SNX10: variants seen among roughly 807,000 people sequenced by gnomAD.
SNX10 encodes the protein sorting nexin-10.
SNX10 carries 25 observed loss-of-function variants against 28.5 expected under a neutral mutation model. The ratio of observed to expected loss-of-function variants is 0.88; its 90% confidence interval spans 0.64 to 1.22. The LOEUF (loss-of-function observed/expected upper bound fraction) is 1.22. SNX10 is among the 50% of genes most tolerant of loss of function. The probability of loss-of-function intolerance (pLI) is 0.00; values close to 1 mark genes in which losing one functional copy is unlikely to be tolerated. For missense variants in SNX10, 223 were observed against 242.6 expected (o/e 0.92, Z 0.54); for synonymous variants, 62 against 81.4 (o/e 0.76, Z 1.28).
intron 3 of SNX10, among the ~76,000 whole-genome samples, chr7:26,361,490 A>G (rs1789066484): frequency 6.6e-6 from 1 of 152,214 alleles, no homozygotes; most frequent in Non-Finnish European, 1.5e-5. Flanking sequence ...AGAAGGTGGG[A>G]AATGGATATG....
chr7:26,352,093 T>C (rs1788630647), intron 2 of SNX10, among the ~76,000 whole-genome samples: 1 of 150,574 alleles, frequency 6.6e-6, no homozygotes, highest in Non-Finnish European at 1.5e-5. Context: ...GACCACTCTG[T>C]ACTATCTTCA....
intron 1 of SNX10, among the ~76,000 whole-genome samples, chr7:26,294,642 G>A (rs1011946894): frequency 1.3e-5 from 2 of 152,174 alleles, no homozygotes; most frequent in African/African-American, 4.8e-5. Context: ...GAGTATTTAT[G>A]ATTTCTCTAA....
chr7:26,299,780 G>T (rs1439692641), intron 1 of SNX10, among the ~76,000 whole-genome samples: 1 of 152,092 alleles, frequency 6.6e-6, no homozygotes, highest in African/African-American at 2.4e-5. Context: ...AAAAAGTGCA[G>T]GCTGTGTGCA....
chr7:26,292,379 G>T lies in SNX10; in HGVS notation c.-24+293G>T, dbSNP rs1032459061. Among the ~76,000 whole-genome samples, 3 of 152,328 alleles carry T rather than the reference G, an allele frequency of 2.0e-5. No homozygotes were observed. In the East Asian group the frequency reaches 5.8e-4, roughly 29 times the overall value. The stretch of plus-strand genomic sequence containing the variant: ...CCGGGGAGAGGGTGGGGCAGAGGTG[G>T]ATTCTAGATTACGGAAGAAGTGCTG... On this transcript the variant is annotated intron_variant, in intron 1 of 6. Coordinates refer to ENST00000338523, the MANE Select transcript of SNX10 (RefSeq NM_013322.3).
chr7:26,299,784 G>C (rs79534050), intron 1 of SNX10, among the ~76,000 whole-genome samples: 6 of 152,112 alleles, frequency 3.9e-5, no homozygotes, highest in Non-Finnish European at 5.9e-5. Context: ...AGTGCAGGCT[G>C]TGTGCAGTGG....
chr7:26,345,949 C>T (rs1247954433), intron 1 of SNX10, among the ~76,000 whole-genome samples: 4 of 152,162 alleles, frequency 2.6e-5, no homozygotes, highest in Non-Finnish European at 1.5e-5. Flanking sequence ...CACACCATCT[C>T]TTATGTGACC....
chr7:26,310,849 A>AT (rs941135877), intron 1 of SNX10, among the ~76,000 whole-genome samples: 7 of 151,780 alleles, frequency 4.6e-5, no homozygotes, highest in Non-Finnish European at 1.0e-4. Context: ...CGGCTGGCTA[A>AT]TTTTTTTGTA....
At chr7:26,346,323 G>A (rs1245800941) in intron 1 of SNX10, 97 bp from the exon 2 acceptor site, 10 of 785,646 alleles carry the variant, frequency 1.3e-5, no homozygotes, top group Non-Finnish European at 2.3e-5. Context: ...GGGGCGGGGG[G>A]GGCTCTGTCA....
In SNX10 at chr7:26,372,512, C is replaced by T; in HGVS notation, c.546C>T (p.His182=). The T allele has an allele frequency of 6.2e-7, 1 of 1,609,192 alleles. No individual in the cohort carries two copies. The highest frequency in any genetic ancestry group is 8.5e-7 in the Non-Finnish European group (1 of 1,175,666). ...CCAGTTCATCCTCTGGGCTTGGACACAGTAGTGATGACAGCAGTTCACATG... is the reference window on the plus strand; with the variant it reads ...CCAGTTCATCCTCTGGGCTTGGACATAGTAGTGATGACAGCAGTTCACATG... ...DSESSSSGLG[H]SSDDSSSHGC... is the part of the protein sequence containing the mutation. Residue 182 remains histidine, a synonymous_variant, in exon 7 of 7, where the codon CAC becomes CAT. Transcript: ENST00000338523.
At chr7:26,298,478 A>G (rs911056550) in intron 1 of SNX10, among the ~76,000 whole-genome samples, 1 of 152,200 alleles carries the variant, frequency 6.6e-6, no homozygotes, top group Non-Finnish European at 1.5e-5. Flanking sequence ...GATTGTCACT[A>G]TATATGGCGG....
At chr7:26,318,786 T>A (rs952526560) in intron 1 of SNX10, among the ~76,000 whole-genome samples, 3 of 152,236 alleles carry the variant, frequency 2.0e-5, no homozygotes, top group Non-Finnish European at 4.4e-5. Context: ...TTAATTTTTC[T>A]TGTATACTTA....
At chr7:26,324,246 A>G (rs745385010) in intron 1 of SNX10, among the ~76,000 whole-genome samples, 4 of 148,910 alleles carry the variant, frequency 2.7e-5, no homozygotes, top group Non-Finnish European at 4.5e-5. Context: ...TTATGATTAT[A>G]TCAATTAAAA....
chr7:26,300,967 C>T (rs1049467117), intron 1 of SNX10, among the ~76,000 whole-genome samples: 1 of 129,238 alleles, frequency 7.7e-6, no homozygotes, highest in Non-Finnish European at 1.5e-5. Flanking sequence ...GGCAGTGAGC[C>T]GAGATTGTAC....
chr7:26,311,930 T>C (rs1786868803), intron 1 of SNX10, among the ~76,000 whole-genome samples: 1 of 152,064 alleles, frequency 6.6e-6, no homozygotes, highest in Non-Finnish European at 1.5e-5. Context: ...ACAGCTGGCA[T>C]TGCATTTGTG....
chr7:26,325,169 G>T (rs1409086731), intron 1 of SNX10, among the ~76,000 whole-genome samples: 1 of 151,378 alleles, frequency 6.6e-6, no homozygotes. Context: ...TAGGATCCTA[G>T]TACGTTCAAA....
intron 1 of SNX10, among the ~76,000 whole-genome samples, chr7:26,300,839 C>T (rs952021487): frequency 1.3e-5 from 2 of 151,558 alleles, no homozygotes; most frequent in Admixed American, 6.6e-5. Flanking sequence ...GCCAACATGG[C>T]GAAACCCCAT....
Position 26,372,898 on chromosome 7 carries a change from C to G in SNX10, c.*326C>G, listed in dbSNP as rs1789624217. 1 of 236,368 alleles carries G rather than the reference C, an allele frequency of 4.2e-6. No individual in the cohort carries two copies. The allele number at this position is 236,368 out of a possible 1,614,324, so 14.6% of individuals were successfully genotyped here. A position where few individuals can be genotyped will look rare whatever the true frequency, so the allele number is the denominator to read the frequency against. On this transcript the variant is annotated 3_prime_UTR_variant, in exon 7 of 7. Coordinates refer to ENST00000338523, the MANE Select transcript of SNX10 (RefSeq NM_013322.3). ...TTATTGAATTTAAAAAGATAGGTAACTAAGTAGCATTTAAAATCAAGATAG... is the reference window on the plus strand; with the variant it reads ...TTATTGAATTTAAAAAGATAGGTAAGTAAGTAGCATTTAAAATCAAGATAG...
intron 2 of SNX10, among the ~76,000 whole-genome samples, chr7:26,349,923 T>G (rs1788532223): frequency 6.6e-6 from 1 of 152,010 alleles, no homozygotes; most frequent in African/African-American, 2.4e-5. Context: ...TTTCATGGAG[T>G]CGGACATTCT....
At chr7:26,323,002 C>T (rs1486005555) in intron 1 of SNX10, among the ~76,000 whole-genome samples, 1 of 152,122 alleles carries the variant, frequency 6.6e-6, no homozygotes, top group Non-Finnish European at 1.5e-5. Flanking sequence ...AATCTCAGCA[C>T]TTTGGGAGTT....
Sources: allele counts gnomAD v4.1 joint callset (sites outside exome capture counted in the v4.1 genomes callset), GRCh38; gene constraint gnomAD v4.1.1; transcripts MANE v1.5; gene names NCBI Gene and HGNC (gene_info 2026-07-23, HGNC 2026-07-21).